Variants in MCM6 observed in about 807,000 individuals in gnomAD.
MCM6 encodes the protein minichromosome maintenance complex component 6.
Under a neutral mutation model 94.3 loss-of-function variants are expected in MCM6, and 46 were observed. That is an observed-to-expected ratio of 0.49 (90% CI 0.39 to 0.62). MCM6 has a LOEUF of 0.62. Among genes scored for constraint, MCM6 ranks in the 20% least tolerant of loss-of-function variants. The probability of loss-of-function intolerance (pLI) is 0.00; values close to 1 mark genes in which losing one functional copy is unlikely to be tolerated. For synonymous variants in MCM6, 335 were observed against 351.9 expected, an observed-to-expected ratio of 0.95 and a Z score of 0.54; for missense variants, 865 against 1,017.9, an observed-to-expected ratio of 0.85 and a Z score of 2.04.
chr2:135,843,878 G>C (rs1679625281), intron 16 of MCM6, among the ~76,000 whole-genome samples: 1 of 152,092 alleles, frequency 6.6e-6, no homozygotes, highest in African/African-American at 2.4e-5. Context: ...CAAAGCTGTG[G>C]ACAGGCTGAG....
chr2:135,840,900 C>G lies in MCM6; in HGVS notation c.2401G>C (p.Gly801Arg), dbSNP rs1679556864. 6.2e-7 allele frequency: 1 copy of G among 1,614,044 alleles called. No homozygotes were observed. The highest frequency in any genetic ancestry group is 8.5e-7 in the Non-Finnish European group (1 of 1,180,012). The change falls in exon 17 of 17, where the codon GGA becomes CGA. Residue 801 changes from glycine (G) to arginine (R), a missense_variant. Transcript: ENST00000264156. ...GGATCTTCTTCATAGCTCTCACTTC[C>G]CTCTGTGGAGCCTTTCAATCCAGCC... ...TQAGLKGSTE[G>R]SESYEEDPYL... is the part of the protein sequence containing the mutation.
chr2:135,860,010 G>T (rs1404369920), intron 8 of MCM6, among the ~76,000 whole-genome samples: 1 of 151,994 alleles, frequency 6.6e-6, no homozygotes, highest in Non-Finnish European at 1.5e-5. Flanking sequence ...CACCATGTTG[G>T]CCAGGCTGGT....
intron 15 of MCM6, 30 bp downstream of exon 15, chr2:135,846,207 A>G (rs1477547069): frequency 1.9e-6 from 3 of 1,609,870 alleles, no homozygotes; most frequent in Non-Finnish European, 1.7e-6. Flanking sequence ...GAAGTGACCG[A>G]GCATGTAAGC....
At chr2:135,849,082 G>T (rs1238122234) in intron 13 of MCM6, among the ~76,000 whole-genome samples, 3 of 152,326 alleles carry the variant, frequency 2.0e-5, no homozygotes, top group African/African-American at 7.2e-5. Context: ...AACGGTATTT[G>T]TGGTACTCAG....
intron 12 of MCM6, 26 bp downstream of exon 12, chr2:135,852,761 T>C: frequency 6.6e-7 from 1 of 1,512,276 alleles, no homozygotes; most frequent in Non-Finnish European, 8.9e-7. Context: ...CATTATACCT[T>C]ATCCCAGTAC....
rs750554384 is a variant in MCM6, at chr2:135,840,857, G to C, written c.2444C>G (p.Pro815Arg). Reference sequence around the variant, plus strand: ...ATCTCAATCTTCGAGCAAGTAGTTAGGGTTAACTACCAAGTAGGGATCTTC... The same window carrying C: ...ATCTCAATCTTCGAGCAAGTAGTTACGGTTAACTACCAAGTAGGGATCTTC... The part of the protein sequence containing the change: ...YEEDPYLVVN[P>R]NYLLED Residue 815 changes from proline (P) to arginine (R), a missense_variant, in exon 17 of 17, where the codon CCT (proline) becomes CGT (arginine). Physicochemically the swap from Pro to Arg is moderately radical, Grantham distance 103 (BLOSUM62 -2). Transcript: ENST00000264156. 6.2e-7 allele frequency: 1 copy of C among 1,611,912 alleles called. No homozygotes were observed. The highest frequency in any genetic ancestry group is 2.2e-5 in the East Asian group (1 of 44,878).
Position 135,840,649 on chromosome 2 carries a change from G to A in MCM6, c.*186C>T. On this transcript the variant is annotated 3_prime_UTR_variant, in exon 17 of 17. Transcript: ENST00000264156. Reference sequence around the variant, plus strand: ...CACACCAAAGGAAGTGCTGAAGCCTGTGTTGGTATGAAACCTGTGATGAAT... The same window carrying A: ...CACACCAAAGGAAGTGCTGAAGCCTATGTTGGTATGAAACCTGTGATGAAT... The A allele has an allele frequency of 1.8e-6, 1 of 564,812 alleles. No homozygotes were observed. The highest frequency in any genetic ancestry group is 2.9e-5 in the East Asian group (1 of 33,938). The allele number at this position is 564,812 out of a possible 1,614,324, so 35.0% of individuals were successfully genotyped here. A position where few individuals can be genotyped will look rare whatever the true frequency, so the allele number is the denominator to read the frequency against.
Position 135,863,436 on chromosome 2 carries a change from G to A in MCM6, c.1079-688C>T, listed in dbSNP as rs1044786020. Among the ~76,000 whole-genome samples the A allele has an allele frequency of 1.2e-4, 19 of 152,200 alleles. 1 individual carries two copies. Among genetic ancestry groups the A allele is most frequent in the Non-Finnish European group, 2.6e-4 (18 of 68,042 alleles). Reference sequence around the variant, plus strand: ...TAAAGCAGAAAATTAGGCTGGGTGTGGTGGCTTATGCCTGTAATCTGATCA... The same window carrying A: ...TAAAGCAGAAAATTAGGCTGGGTGTAGTGGCTTATGCCTGTAATCTGATCA... On this transcript the variant is annotated intron_variant, in intron 7 of 16. Coordinates refer to ENST00000264156, the MANE Select transcript of MCM6 (RefSeq NM_005915.6).
intron 1 of MCM6, 78 bp downstream of exon 1, chr2:135,876,181 G>A (rs1253413473): frequency 5.2e-6 from 6 of 1,160,008 alleles, no homozygotes; most frequent in East Asian, 5.9e-5. Context: ...CGGAACACCC[G>A]CCGCCCACAC....
chr2:135,847,571 A>AC lies in MCM6; in HGVS notation c.2053+481_2053+482insG, dbSNP rs1207468498. On this transcript the variant is annotated intron_variant, in intron 14 of 16. Transcript: ENST00000264156. ...TTTTCTTTTAGTCTTTCAAATATCTATGTATTTTTTGAGACAGAGTCTCGC... is the reference window on the plus strand; with the variant it reads ...TTTTCTTTTAGTCTTTCAAATATCTACTGTATTTTTTGAGACAGAGTCTCGC... 7.4e-3 allele frequency among the ~76,000 whole-genome samples: 1,126 copies of AC among 152,100 alleles called. 13 individuals carry two copies. The highest frequency in any genetic ancestry group is 0.025 in the African/African-American group (1,058 of 41,516).
At chr2:135,852,471 A>G (rs1474924329) in intron 12 of MCM6, among the ~76,000 whole-genome samples, 1 of 152,218 alleles carries the variant, frequency 6.6e-6, no homozygotes, top group Non-Finnish European at 1.5e-5. Flanking sequence ...TTAGGCGCAT[A>G]AACAATTTTA....
chr2:135,850,242 A>C (rs922983253), intron 13 of MCM6, among the ~76,000 whole-genome samples: 4 of 151,994 alleles, frequency 2.6e-5, no homozygotes, highest in African/African-American at 9.7e-5. Context: ...TTTGGTAATA[A>C]AGTAATTCAT....
chr2:135,860,270 C>T (rs889452257), intron 8 of MCM6, among the ~76,000 whole-genome samples: 6 of 151,614 alleles, frequency 4.0e-5, no homozygotes, highest in Non-Finnish European at 8.8e-5. Context: ...GTAGCTGGGA[C>T]TACAGGCGCT....
intron 6 of MCM6, 45 bp downstream of exon 6, chr2:135,866,087 G>A (rs773423870): frequency 6.2e-7 from 1 of 1,608,906 alleles, no homozygotes; most frequent in East Asian, 2.2e-5. Context: ...GGGTGACAGA[G>A]AGAGACTGTT....
At chr2:135,868,965 ATTC>A in intron 3 of MCM6, 105 bp from the exon 4 acceptor site, 2 of 1,139,414 alleles carry the variant, frequency 1.8e-6, no homozygotes, top group Non-Finnish European at 2.5e-6. Flanking sequence ...TAAAAAAAAA[ATTC>A]AAGAGACAAG....
At chr2:135,874,807 G>C (rs895618022) in intron 1 of MCM6, among the ~76,000 whole-genome samples, 1 of 152,122 alleles carries the variant, frequency 6.6e-6, no homozygotes, top group Non-Finnish European at 1.5e-5. Context: ...TTTCAGAAAA[G>C]GGATACTCAA....
At chr2:135,876,047 C>A (rs1340573175) in intron 1 of MCM6, among the ~76,000 whole-genome samples, 6 of 152,342 alleles carry the variant, frequency 3.9e-5, no homozygotes, top group South Asian at 4.1e-4. Context: ...CGTCTTAGGG[C>A]TCGAGATGGG....
chr2:135,868,857 A>C lies in MCM6; in HGVS notation c.369T>G (p.Ile123Met), dbSNP rs1407333908. The change falls in exon 4 of 17, where the codon ATT becomes ATG. Residue 123 changes from isoleucine (I) to methionine (M), a missense_variant. By Grantham distance (10) the Ile-to-Met change is conservative. Around this residue, in one of 3 missense-constraint regions of MCM6, gnomAD observed 404 missense variants for 451.9 expected, o/e 0.89. Coordinates refer to ENST00000264156, the MANE Select transcript of MCM6 (RefSeq NM_005915.6). ...AFQDLPTRHK[I>M]RELTSSRIGL... ...CAATTCTGGATGAGGTGAGCTCTCG[A>C]ATCCTGTTTAAAGACAAATGTCCCA... The C allele has an allele frequency of 6.2e-7, 1 of 1,613,866 alleles. No individual in the cohort carries two copies. The highest frequency in any genetic ancestry group is 1.1e-5 in the South Asian group (1 of 91,072).
At chr2:135,854,462 G>A (rs1350136744) in intron 11 of MCM6, among the ~76,000 whole-genome samples, 18 of 144,556 alleles carry the variant, frequency 1.2e-4, no homozygotes, top group South Asian at 4.6e-4. Flanking sequence ...CCTGAGAGGC[G>A]GAGGTTGCAG....
Sources: allele counts gnomAD v4.1 joint callset (sites outside exome capture counted in the v4.1 genomes callset), GRCh38; gene constraint gnomAD v4.1.1; regional missense constraint gnomAD v4.1.1; transcripts MANE v1.5; gene names NCBI Gene and HGNC (gene_info 2026-07-23, HGNC 2026-07-21).